SPAG5: variants seen among roughly 807,000 people sequenced by gnomAD.
SPAG5 encodes sperm-associated antigen 5.
In SPAG5, 99 loss-of-function variants were observed where a neutral mutation model predicts 145.4. That is an observed-to-expected ratio of 0.68 (90% CI 0.58 to 0.80). SPAG5 has a LOEUF of 0.80. Ranked by LOEUF, SPAG5 falls within the 30% of genes least tolerant of loss-of-function variation. SPAG5 has a pLI of 0.00. For synonymous variants in SPAG5, 477 were observed against 525.4 expected (o/e 0.91, Z 1.26); for missense variants, 1,192 against 1,416.0 (o/e 0.84, Z 2.54).
intron 2 of SPAG5, among the ~76,000 whole-genome samples, chr17:28,593,276 A>C (rs2070637237): frequency 6.6e-6 from 1 of 152,250 alleles, no homozygotes; most frequent in Admixed American, 6.5e-5. Flanking sequence ...CAAGTGAACC[A>C]GCCTACATTA....
intron 15 of SPAG5, among the ~76,000 whole-genome samples, chr17:28,581,286 A>C (rs1172763764): frequency 6.6e-6 from 1 of 152,242 alleles, no homozygotes; most frequent in Non-Finnish European, 1.5e-5. Context: ...TGCTGGCCTC[A>C]GTCCTGAAGT....
At position 28,591,885 on chromosome 17, in the gene SPAG5, G is replaced by A. The variant is rs1443888671; in HGVS notation, c.1263-13C>T. On this transcript the variant is annotated splice_polypyrimidine_tract_variant and intron_variant, in intron 3 of 23. Coordinates refer to ENST00000321765, the MANE Select transcript of SPAG5 (RefSeq NM_006461.4). ...ATCTGGAGGCCGGCTGCAGCAGAAA[G>A]AGAAGAACATGACGAAAAGAAAAGG... 1 of 1,612,772 alleles carries A rather than the reference G, an allele frequency of 6.2e-7. No homozygotes were observed. The highest frequency in any genetic ancestry group is 8.5e-7 in the Non-Finnish European group (1 of 1,179,116).
chr17:28,586,220 G>A (rs764163282), intron 5 of SPAG5, 38 bp from the exon 6 acceptor site: 3 of 1,551,652 alleles, frequency 1.9e-6, no homozygotes. Flanking sequence ...ATCAAATAAA[G>A]TCACTAAGCA....
Position 28,592,814 on chromosome 17 carries a change from T to C in SPAG5, c.430A>G (p.Ile144Val). Residue 144 changes from isoleucine to valine, a missense_variant, in exon 3 of 24, where the codon ATA becomes GTA. Around this residue, in one of 5 missense-constraint regions of SPAG5, gnomAD observed 329 missense variants for 354.0 expected, o/e 0.93. Coordinates refer to ENST00000321765, the MANE Select transcript of SPAG5 (RefSeq NM_006461.4). ...ATGGTATCTAAACGGGCCTCAAATA[T>C]CATGTCTTGTTGCTGCCCCAGTGGA... Reference protein sequence around the residue: ...PSPLGQQQDMIFEARLDTMAE... With the variant: ...PSPLGQQQDMVFEARLDTMAE... The C allele has an allele frequency of 6.2e-7, 1 of 1,614,152 alleles. No individual in the cohort carries two copies. Among genetic ancestry groups the C allele is most frequent in the Non-Finnish European group, 8.5e-7 (1 of 1,180,026 alleles).
At chr17:28,584,518 CA>C in intron 11 of SPAG5, 38 bp from the exon 12 acceptor site, 1 of 1,612,840 alleles carries the variant, frequency 6.2e-7, no homozygotes, top group Non-Finnish European at 8.5e-7. Context: ...ATGCGGTCAG[CA>C]GGCTAGAAAC....
intron 1 of SPAG5, 95 bp downstream of exon 1, chr17:28,598,801 C>G: frequency 6.5e-7 from 1 of 1,537,806 alleles, no homozygotes; most frequent in African/African-American, 1.4e-5. Context: ...CCCCCAACCC[C>G]GGGCTCGACC....
intron 2 of SPAG5, among the ~76,000 whole-genome samples, chr17:28,595,828 G>A (rs1468822094): frequency 2.0e-5 from 3 of 151,532 alleles, no homozygotes; most frequent in South Asian, 2.1e-4. Flanking sequence ...GGCAGATCAC[G>A]AGGTCAGGAG....
At chr17:28,581,008 C>A (rs1334589764) in intron 15 of SPAG5, among the ~76,000 whole-genome samples, 1 of 152,220 alleles carries the variant, frequency 6.6e-6, no homozygotes, top group Non-Finnish European at 1.5e-5. Context: ...TGATAGGGAA[C>A]ACCCTATCAA....
In SPAG5 at chr17:28,583,904, C is replaced by T. The variant is rs143883268; in HGVS notation, c.2495G>A (p.Arg832Gln). 3,456 of 1,614,168 alleles carry T rather than the reference C, an allele frequency of 2.1e-3. 11 individuals carry two copies. Among genetic ancestry groups the T allele is most frequent in the Non-Finnish European group, 2.4e-3 (2,868 of 1,180,028 alleles). The change falls in exon 14 of 24, where the codon CGG becomes CAG. Residue 832 changes from arginine to glutamine, a missense_variant. Around this residue, in one of 5 missense-constraint regions of SPAG5, gnomAD observed 709 missense variants for 840.7 expected, o/e 0.84. Transcript: ENST00000321765. Reference protein sequence around the residue: ...CQLKTTLEVLRERSLQCENLK... With the variant: ...CQLKTTLEVLQERSLQCENLK... ...GTTCTCACACTGCAAGCTGCGCTCC[C>T]GGAGCACTTCCAGTGTGGTTTTCAA... is the stretch of plus-strand genomic sequence containing the variant.
chr17:28,577,594 T>G lies in SPAG5; in HGVS notation c.*105A>C. 1.3e-6 allele frequency: 1 copy of G among 786,606 alleles called. No homozygotes were observed. Among genetic ancestry groups the G allele is most frequent in the South Asian group, 1.5e-5 (1 of 68,626 alleles). The allele number at this position is 786,606 out of a possible 1,614,324, so 48.7% of individuals were successfully genotyped here. A position where few individuals can be genotyped will look rare whatever the true frequency, so the allele number is the denominator to read the frequency against. ...AGAAATTCATTAAATACACTTTATT[T>G]AAATAGCATTTATCTCAGTTGGCTC... On this transcript the variant is annotated 3_prime_UTR_variant, in exon 24 of 24. Coordinates refer to ENST00000321765, the MANE Select transcript of SPAG5 (RefSeq NM_006461.4).
At chr17:28,591,517 G>C (rs990262099) in intron 4 of SPAG5, among the ~76,000 whole-genome samples, 181 bp downstream of exon 4, 1 of 152,188 alleles carries the variant, frequency 6.6e-6, no homozygotes, top group Admixed American at 6.5e-5. Context: ...CTCCCACCTT[G>C]GCCTCCCAAA....
chr17:28,598,798 C>A, intron 1 of SPAG5, 98 bp downstream of exon 1: 1 of 1,536,394 alleles, frequency 6.5e-7, no homozygotes, highest in Non-Finnish European at 9.0e-7. Context: ...AAGCCCCCAA[C>A]CCCGGGCTCG....
At chr17:28,589,084 T>C (rs1334347214) in intron 4 of SPAG5, among the ~76,000 whole-genome samples, 2 of 152,030 alleles carry the variant, frequency 1.3e-5, no homozygotes, top group Non-Finnish European at 2.9e-5. Context: ...ATATTACCAA[T>C]ATTGACAATT....
rs758511842 is a variant in SPAG5, at chr17:28,592,451, G to T, written c.793C>A (p.Pro265Thr). The T allele has an allele frequency of 3.1e-6, 5 of 1,613,566 alleles. No homozygotes were observed. The highest frequency in any genetic ancestry group is 4.2e-6 in the Non-Finnish European group (5 of 1,180,018). Reference sequence around the variant, plus strand: ...CCATGCTCTACAATTTCCTCCTCTGGGTCCACATGATTGACACGGAAATCT... The same window carrying T: ...CCATGCTCTACAATTTCCTCCTCTGTGTCCACATGATTGACACGGAAATCT... ...AADFRVNHVD[P>T]EEEIVEHGAM... Residue 265 changes from proline to threonine, a missense_variant, in exon 3 of 24, where the codon CCA becomes ACA. Physicochemically the swap from Pro to Thr is conservative, Grantham distance 38. Transcript: ENST00000321765.
At chr17:28,582,437 A>C (rs2070555160) in intron 15 of SPAG5, among the ~76,000 whole-genome samples, 1 of 152,142 alleles carries the variant, frequency 6.6e-6, no homozygotes. Context: ...TGCCCCACAA[A>C]CGTCTAAACC....
intron 2 of SPAG5, among the ~76,000 whole-genome samples, chr17:28,595,031 G>T (rs558761547): frequency 1.3e-5 from 2 of 151,472 alleles, no homozygotes; most frequent in African/African-American, 4.9e-5. Flanking sequence ...AGGCTGAGGC[G>T]GTCAGATCAC....
At chr17:28,598,668 G>A in intron 1 of SPAG5, 33 bp from the exon 2 acceptor site, 2 of 1,572,410 alleles carry the variant, frequency 1.3e-6, no homozygotes, top group Non-Finnish European at 8.6e-7. Flanking sequence ...GGGCGAGTGT[G>A]AGGAAGCCTG....
chr17:28,594,148 C>T (rs920370577), intron 2 of SPAG5, among the ~76,000 whole-genome samples: 1 of 152,080 alleles, frequency 6.6e-6, no homozygotes, highest in Admixed American at 6.6e-5. Context: ...TAATGAAAGA[C>T]CTGAGTTTGC....
Position 28,579,396 on chromosome 17 carries a change from C to CT in SPAG5, c.2973dup (p.Glu992ArgfsTer13). 2 of 1,614,180 alleles carry CT rather than the reference C, an allele frequency of 1.2e-6. No individual in the cohort carries two copies. The highest frequency in any genetic ancestry group is 1.7e-6 in the Non-Finnish European group (2 of 1,180,032). On this transcript the variant is annotated frameshift_variant, in exon 18 of 24. Coordinates refer to ENST00000321765, the MANE Select transcript of SPAG5 (RefSeq NM_006461.4). LOFTEE classifies it high-confidence loss of function. ...CGCTGCAGAGTCCTGATGGCTTCTT[C>CT]TTTAGACTCTTGTAGCAGGGAACAA...
Sources: gnomAD v4.1 joint callset for allele counts (sites outside exome capture counted in the v4.1 genomes callset) on GRCh38, gnomAD v4.1.1 for gene constraint, gnomAD v4.1.1 regional missense constraint, MANE v1.5 for transcripts, NCBI Gene and HGNC (gene_info 2026-07-23, HGNC 2026-07-21) for gene names.